FOXP1: variants seen among roughly 807,000 people sequenced by gnomAD.
The protein encoded by FOXP1 is forkhead box P1, also known as forkhead box protein P1.
A neutral mutation model predicts 98.2 loss-of-function variants in FOXP1; 15 were observed. That is an observed-to-expected ratio of 0.15 (90% confidence interval 0.10 to 0.24). The LOEUF (loss-of-function observed/expected upper bound fraction) is 0.24. Among genes scored for constraint, FOXP1 ranks in the 10% least tolerant of loss-of-function variants. The pLI is 1.00. For missense variants in FOXP1, 633 were observed against 848.5 expected (o/e 0.75, Z 3.15); for synonymous variants, 371 against 314.5 (o/e 1.18, Z -1.90).
At chr3:70,978,162 G>A in intron 14 of FOXP1, 133 bp from the exon 15 acceptor site, 2 of 738,482 alleles carry the variant, frequency 2.7e-6, no homozygotes, top group Non-Finnish European at 4.8e-6. Flanking sequence ...TGTTTACCAT[G>A]AACCGAAACA....
Position 70,977,900 on chromosome 3 carries a change from T to G in FOXP1, c.1276A>C (p.Thr426Pro), listed in dbSNP as rs780881242. The change falls in exon 15 of 21, where the codon ACC (threonine) becomes CCC (proline). Residue 426 changes from threonine (T) to proline (P), a missense_variant. By Grantham distance (38) the Thr-to-Pro change is conservative. Transcript: ENST00000649528. Reference protein sequence around the residue: ...PVTQGPSVITTTSMHTVGPIR... With the variant: ...PVTQGPSVITPTSMHTVGPIR... ...GGTCCCACCGTGTGCATGCTGGTGG[T>G]TGTGATGACAGAGGGGCCTTGGGTG... The G allele has an allele frequency of 6.2e-7, 1 of 1,614,058 alleles. No individual in the cohort carries two copies.
intron 5 of FOXP1, among the ~76,000 whole-genome samples, chr3:71,283,762 G>A (rs1170537110): frequency 6.6e-6 from 1 of 152,010 alleles, no homozygotes; most frequent in East Asian, 1.9e-4. Flanking sequence ...ATGTATCCTG[G>A]GATGCCTAAA....
chr3:71,533,384 T>C (rs546725477), intron 2 of FOXP1, among the ~76,000 whole-genome samples: 1 of 152,362 alleles, frequency 6.6e-6, no homozygotes, highest in African/African-American at 2.4e-5. Context: ...AAATATATTT[T>C]GTCTTCCTTA....
chr3:71,581,638 T>A lies in FOXP1; in HGVS notation c.-387A>T, dbSNP rs1048336773. 1.6e-4 allele frequency: 157 copies of A among 985,734 alleles called. 1 individual carries two copies. The highest frequency in any genetic ancestry group is 3.1e-4 in the Admixed American group (5 of 16,268). 61.1% of individuals were successfully genotyped at this position (985,734 alleles called of 1,614,324 possible). A position where few individuals can be genotyped will look rare whatever the true frequency, so the allele number is the denominator to read the frequency against. On this transcript the variant is annotated 5_prime_UTR_variant, in exon 2 of 21. Transcript: ENST00000649528. Reference sequence around the variant, plus strand: ...CCATGGTCCCCGGCGCCGCTGCCGCTGCCCCCGGCCCGCTCGCTCGCTCGC... The same window carrying A: ...CCATGGTCCCCGGCGCCGCTGCCGCAGCCCCCGGCCCGCTCGCTCGCTCGC...
intron 6 of FOXP1, among the ~76,000 whole-genome samples, chr3:71,168,428 C>T (rs2061490143): frequency 6.6e-6 from 1 of 152,178 alleles, no homozygotes; most frequent in Non-Finnish European, 1.5e-5. Context: ...AAAATTGTGC[C>T]TTGTCGGTTC....
intron 5 of FOXP1, among the ~76,000 whole-genome samples, chr3:71,277,511 C>A (rs2071038907): frequency 6.6e-6 from 1 of 152,062 alleles, no homozygotes; most frequent in African/African-American, 2.4e-5. Context: ...CTATCGACAC[C>A]ACAGTCCAAA....
chr3:71,175,317 C>A (rs973677887), intron 6 of FOXP1, among the ~76,000 whole-genome samples: 46 of 152,204 alleles, frequency 3.0e-4, no homozygotes, highest in Admixed American at 1.1e-3. Flanking sequence ...TGACTTACTT[C>A]TTTGGCCCAT....
chr3:71,546,767 A>G (rs1427550869), intron 2 of FOXP1, among the ~76,000 whole-genome samples: 1 of 152,236 alleles, frequency 6.6e-6, no homozygotes, highest in East Asian at 1.9e-4. Context: ...TAGCCTCTGC[A>G]GCCCACTCTA....
At chr3:71,237,544 T>G (rs2066904186) in intron 5 of FOXP1, among the ~76,000 whole-genome samples, 1 of 152,158 alleles carries the variant, frequency 6.6e-6, no homozygotes, top group South Asian at 2.1e-4. Context: ...TAAGGGAAAC[T>G]GACACTTTAC....
chr3:71,393,977 G>A (rs949381666), intron 3 of FOXP1, among the ~76,000 whole-genome samples: 6 of 152,184 alleles, frequency 3.9e-5, no homozygotes, highest in African/African-American at 1.4e-4. Flanking sequence ...TTACAGGCAT[G>A]AGCCACTGCA....
At chr3:71,500,994 C>G (rs1026042107) in intron 2 of FOXP1, among the ~76,000 whole-genome samples, 2 of 152,098 alleles carry the variant, frequency 1.3e-5, no homozygotes, top group African/African-American at 4.8e-5. Flanking sequence ...GAATTCAAGA[C>G]CAGCCTGGCC....
At chr3:71,119,763 C>A (rs1053407942) in intron 6 of FOXP1, among the ~76,000 whole-genome samples, 2 of 151,924 alleles carry the variant, frequency 1.3e-5, no homozygotes, top group African/African-American at 4.8e-5. Context: ...AGCAATCACT[C>A]CAGTGCAGGA....
intron 4 of FOXP1, among the ~76,000 whole-genome samples, chr3:71,352,257 G>C (rs1342651478): frequency 6.6e-6 from 1 of 152,114 alleles, no homozygotes; most frequent in East Asian, 1.9e-4. Flanking sequence ...CCTGAGGTCA[G>C]GAGTTCGAGA....
At chr3:71,064,010 T>C (rs2051953130) in intron 7 of FOXP1, among the ~76,000 whole-genome samples, 1 of 152,188 alleles carries the variant, frequency 6.6e-6, no homozygotes, top group South Asian at 2.1e-4. Context: ...GTTAGCTACA[T>C]TCAGAGCCGG....
chr3:71,127,073 A>AC (rs1338609560), intron 6 of FOXP1, among the ~76,000 whole-genome samples: 1 of 152,098 alleles, frequency 6.6e-6, no homozygotes, highest in Non-Finnish European at 1.5e-5. Context: ...GAGCCAAACA[A>AC]CCCAGGCACC....
Position 71,184,923 on chromosome 3 carries a change from T to C in FOXP1, c.180+13279A>G, listed in dbSNP as rs528924760. ...TGATGGTATTAGAGGCTGGGTGTGG[T>C]GGCTCACGCCTGTAATCCTAGCACT... On this transcript the variant is annotated intron_variant, in intron 6 of 20. Transcript: ENST00000649528. 5.3e-5 allele frequency among the ~76,000 whole-genome samples: 8 copies of C among 152,298 alleles called. No individual in the cohort carries two copies. In the South Asian group the frequency reaches 8.3e-4, roughly 16 times the overall value.
intron 6 of FOXP1, among the ~76,000 whole-genome samples, chr3:71,171,589 A>G (rs1160933137): frequency 1.3e-5 from 2 of 152,220 alleles, no homozygotes; most frequent in Non-Finnish European, 2.9e-5. Flanking sequence ...TAGATTATAA[A>G]TAAGAAATAA....
At chr3:70,994,276 C>T (rs1461554581) in intron 13 of FOXP1, among the ~76,000 whole-genome samples, 1 of 151,796 alleles carries the variant, frequency 6.6e-6, no homozygotes, top group Non-Finnish European at 1.5e-5. Context: ...CCAACTCCTC[C>T]CAGCTTGCCC....
chr3:71,297,908 G>C (rs539591550), intron 5 of FOXP1, among the ~76,000 whole-genome samples: 41 of 152,160 alleles, frequency 2.7e-4, no homozygotes, highest in African/African-American at 9.6e-4. Context: ...TGCCTGGCCT[G>C]TTTAATCATA....
Sources: gnomAD v4.1 joint callset for allele counts (sites outside exome capture counted in the v4.1 genomes callset) on GRCh38, gnomAD v4.1.1 for gene constraint, MANE v1.5 for transcripts, NCBI Gene and HGNC (gene_info 2026-07-23, HGNC 2026-07-21) for gene names.